SPMIP4: variants seen among roughly 807,000 people sequenced by gnomAD.
The protein encoded by SPMIP4 is sperm-associated microtubule inner protein 4.
At chr7:25,135,475 C>T in the SPMIP4 span, 2 of 985,892 alleles carry the variant, frequency 2.0e-6, no homozygotes, top group Non-Finnish European at 1.2e-6. Flanking sequence ...GTCCATCCCT[C>T]AATTAACTAG....
the SPMIP4 span, chr7:25,125,985 A>G: frequency 1.0e-6 from 1 of 984,144 alleles, no homozygotes; most frequent in Non-Finnish European, 1.2e-6. Context: ...GAACTGAAAA[A>G]TAAAATTAAG....
the SPMIP4 span, among the ~76,000 whole-genome samples, chr7:25,167,227 T>C: frequency 6.6e-6 from 1 of 152,166 alleles, no homozygotes; most frequent in Non-Finnish European, 1.5e-5. Context: ...GATGCACAAA[T>C]AAAATGAACA....
the SPMIP4 span, among the ~76,000 whole-genome samples, chr7:25,132,173 A>G: frequency 6.6e-6 from 1 of 152,220 alleles, no homozygotes; most frequent in Non-Finnish European, 1.5e-5. This position sits in a 1 kb window ranked among gnomAD's most constrained non-coding sequence, Gnocchi z 5.0. Context: ...GTCATGCAAC[A>G]GATGATTAGC....
the SPMIP4 span, chr7:25,142,672 T>TG: frequency 6.2e-7 from 1 of 1,613,326 alleles, no homozygotes; most frequent in Non-Finnish European, 8.5e-7. Context: ...AGTGAGCCAG[T>TG]GGGACCTCTC....
chr7:25,134,332 G>GT, the SPMIP4 span, among the ~76,000 whole-genome samples: 2 of 34,720 alleles, frequency 5.8e-5, no homozygotes, highest in African/African-American at 2.4e-4. Flanking sequence ...AACACATTTT[G>GT]TAAAAAAAAA....
chr7:25,176,430 C>A, the SPMIP4 span, among the ~76,000 whole-genome samples: 1 of 152,128 alleles, frequency 6.6e-6, no homozygotes. The surrounding 1 kb of genome is among the most constrained non-coding windows in gnomAD (Gnocchi z 4.4). Flanking sequence ...AATGTGATAA[C>A]CCTTGGAGTT....
chr7:25,133,818 A>G, the SPMIP4 span, among the ~76,000 whole-genome samples: 1 of 152,196 alleles, frequency 6.6e-6, no homozygotes, highest in Non-Finnish European at 1.5e-5. Flanking sequence ...GTGTACTAGA[A>G]CATTTCAGCT....
the SPMIP4 span, chr7:25,136,854 G>A: frequency 2.0e-6 from 3 of 1,510,336 alleles, no homozygotes; most frequent in East Asian, 2.3e-5. This position sits in a 1 kb window ranked among gnomAD's most constrained non-coding sequence, Gnocchi z 5.7. Flanking sequence ...CAAATGGTAG[G>A]TCAAAAGTCA....
At chr7:25,136,107 GTTC>G in the SPMIP4 span, 2 of 1,614,138 alleles carry the variant, frequency 1.2e-6, no homozygotes, top group Non-Finnish European at 1.7e-6. The surrounding 1 kb of genome is among the most constrained non-coding windows in gnomAD (Gnocchi z 5.7). Context: ...TTGAAAAAGA[GTTC>G]TTAAGCTCCA....
At chr7:25,177,167 T>C in the SPMIP4 span, among the ~76,000 whole-genome samples, 1 of 152,206 alleles carries the variant, frequency 6.6e-6, no homozygotes, top group East Asian at 1.9e-4. Flanking sequence ...GTGGAAGTGC[T>C]ATCCTTTTTG....
At chr7:25,157,196 CA>C in the SPMIP4 span, among the ~76,000 whole-genome samples, 6 of 152,062 alleles carry the variant, frequency 3.9e-5, no homozygotes, top group African/African-American at 1.5e-4. Context: ...TACTAAAGCA[CA>C]AAATAAATTT....
chr7:25,170,872 T>C, the SPMIP4 span, among the ~76,000 whole-genome samples: 784 of 152,342 alleles, frequency 5.1e-3, 6 homozygotes, highest in Non-Finnish European at 8.0e-3. Flanking sequence ...ATTCCTAATC[T>C]TGTAAAGGAG....
chr7:25,179,103 C>A, the SPMIP4 span: 1 of 1,432,944 alleles, frequency 7.0e-7, no homozygotes, highest in Non-Finnish European at 9.4e-7. Context: ...AAATGTTTTT[C>A]CTCACATAAT....
At chr7:25,143,615 A>G in the SPMIP4 span, among the ~76,000 whole-genome samples, 1 of 134,768 alleles carries the variant, frequency 7.4e-6, no homozygotes, top group Non-Finnish European at 1.6e-5. Flanking sequence ...TTCCAGAGAC[A>G]GGGTCTCACC....
the SPMIP4 span, among the ~76,000 whole-genome samples, chr7:25,162,164 G>A: frequency 1.3e-4 from 19 of 151,456 alleles, no homozygotes; most frequent in East Asian, 2.7e-3. Flanking sequence ...CCAGCTACTC[G>A]GGAGGCTGAG....
the SPMIP4 span, chr7:25,168,418 C>A: frequency 1.7e-5 from 28 of 1,609,038 alleles, no homozygotes; most frequent in Non-Finnish European, 2.4e-5. Flanking sequence ...TCTTTCAGCG[C>A]CCCAAGGAAG....
chr7:25,131,871 A>G, the SPMIP4 span, among the ~76,000 whole-genome samples: 15 of 152,192 alleles, frequency 9.9e-5, no homozygotes, highest in Admixed American at 5.9e-4. The surrounding 1 kb of genome is among the most constrained non-coding windows in gnomAD (Gnocchi z 4.2). Flanking sequence ...GGGAGTGGCA[A>G]TGGGCACCTC....
chr7:25,157,419 G>C, the SPMIP4 span, among the ~76,000 whole-genome samples: 1 of 152,174 alleles, frequency 6.6e-6, no homozygotes, highest in African/African-American at 2.4e-5. Context: ...GAAAGAAAGA[G>C]TGTGTGTGCA....
chr7:25,175,754 G>A, the SPMIP4 span, among the ~76,000 whole-genome samples: 1 of 152,162 alleles, frequency 6.6e-6, no homozygotes, highest in African/African-American at 2.4e-5. Flanking sequence ...GAGATACCTT[G>A]TGATTCAAAT....
Sources: allele counts gnomAD v4.1 joint callset (sites outside exome capture counted in the v4.1 genomes callset), GRCh38; gene constraint gnomAD v4.1.1; non-coding constraint Gnocchi (gnomAD v3.1); transcripts MANE v1.5; gene names NCBI Gene and HGNC (gene_info 2026-07-23, HGNC 2026-07-21).